NFIB: variants seen among roughly 807,000 people sequenced by gnomAD.
NFIB encodes nuclear factor 1 B-type.
A neutral mutation model predicts 61.5 loss-of-function variants in NFIB; 11 were observed. That is an observed-to-expected ratio of 0.18 (90% CI 0.11 to 0.30). The LOEUF is 0.30. Ranked by LOEUF, NFIB falls within the 10% of genes least tolerant of loss-of-function variation. The pLI is 1.00. For missense variants in NFIB, 471 were observed against 608.9 expected (o/e 0.77, Z 2.38); for synonymous variants, 260 against 216.5 (o/e 1.20, Z -1.76).
At chr9:14,257,614 G>A (rs2056348881) in intron 2 of NFIB, among the ~76,000 whole-genome samples, 3 of 152,020 alleles carry the variant, frequency 2.0e-5, no homozygotes, top group Admixed American at 2.0e-4. Context: ...AAATTAGCCG[G>A]GCATGGTTGC....
At chr9:14,118,364 G>A (rs2038440815) in intron 8 of NFIB, among the ~76,000 whole-genome samples, 1 of 152,150 alleles carries the variant, frequency 6.6e-6, no homozygotes, top group Admixed American at 6.5e-5. Context: ...TAATTTCAAG[G>A]AAATGCTGCC....
At chr9:14,199,353 C>T (rs1011156950) in intron 2 of NFIB, among the ~76,000 whole-genome samples, 10 of 152,178 alleles carry the variant, frequency 6.6e-5, no homozygotes, top group Admixed American at 2.6e-4. Context: ...CCCTGCCAAA[C>T]CAGAAACAGT....
Position 14,170,874 on chromosome 9 carries a change from T to C in NFIB, c.616+8853A>G, listed in dbSNP as rs146055913. 3.1e-4 allele frequency among the ~76,000 whole-genome samples: 47 copies of C among 152,290 alleles called. 1 individual carries two copies. Among genetic ancestry groups the C allele is most frequent in the East Asian group, 2.7e-3 (14 of 5,176 alleles). Reference sequence around the variant, plus strand: ...TTACAAGCTATTTCTGTGCAAGCCCTCTTGGAAGTTTTCTGGAACTAGGTA... The same window carrying C: ...TTACAAGCTATTTCTGTGCAAGCCCCCTTGGAAGTTTTCTGGAACTAGGTA... On this transcript the variant is annotated intron_variant, in intron 3 of 10. Transcript: ENST00000380953.
intron 2 of NFIB, among the ~76,000 whole-genome samples, chr9:14,251,649 CCTT>C (rs2055640341): frequency 6.6e-6 from 1 of 152,220 alleles, no homozygotes; most frequent in Admixed American, 6.5e-5. Flanking sequence ...AGGCTCTGCT[CCTT>C]CTCACCACGG....
chr9:14,261,021 T>G (rs1242110957), intron 2 of NFIB, among the ~76,000 whole-genome samples: 2 of 152,112 alleles, frequency 1.3e-5, no homozygotes, highest in Admixed American at 1.3e-4. Context: ...CAACAGCATT[T>G]AAGACTGAAA....
chr9:14,142,710 G>A (rs1387977140), intron 6 of NFIB, among the ~76,000 whole-genome samples: 1 of 152,052 alleles, frequency 6.6e-6, no homozygotes, highest in Non-Finnish European at 1.5e-5. Context: ...TGGAATAAAA[G>A]AAATGTTCAA....
chr9:14,497,825 C>G, the NFIB span, among the ~76,000 whole-genome samples: 9 of 152,158 alleles, frequency 5.9e-5, no homozygotes, highest in African/African-American at 2.2e-4. Flanking sequence ...GGGTCTTTTT[C>G]TTTTGATTGG....
At chr9:14,321,793 T>A in intron 1 of NFIB, 2 of 1,010,580 alleles carry the variant, frequency 2.0e-6, no homozygotes, top group Non-Finnish European at 2.5e-6. Flanking sequence ...GCCCACAACC[T>A]GTAAAACAAA....
chr9:14,102,031 G>A (rs1416362280), intron 10 of NFIB, among the ~76,000 whole-genome samples: 1 of 152,124 alleles, frequency 6.6e-6, no homozygotes, highest in Non-Finnish European at 1.5e-5. Flanking sequence ...AGAGGAAAGA[G>A]TTAAAATAAG....
intron 2 of NFIB, among the ~76,000 whole-genome samples, chr9:14,281,177 G>A (rs1368911587): frequency 1.3e-5 from 2 of 152,142 alleles, no homozygotes; most frequent in African/African-American, 2.4e-5. Context: ...CTTGACAGTT[G>A]TTAACAGTTC....
intron 2 of NFIB, among the ~76,000 whole-genome samples, chr9:14,228,872 T>C (rs2052768000): frequency 6.6e-6 from 1 of 151,952 alleles, no homozygotes; most frequent in South Asian, 2.1e-4. Context: ...TGACTCAATA[T>C]GAAATGGGGA....
chr9:14,232,329 T>C (rs924828227), intron 2 of NFIB, among the ~76,000 whole-genome samples: 1 of 152,130 alleles, frequency 6.6e-6, no homozygotes, highest in African/African-American at 2.4e-5. Context: ...CCCGTCACAC[T>C]GGGAATGTTC....
the NFIB span, among the ~76,000 whole-genome samples, chr9:14,415,760 T>C: frequency 1.4e-4 from 21 of 152,136 alleles, no homozygotes; most frequent in Admixed American, 5.9e-4. Context: ...TGTCCAACAA[T>C]AGCTCCTTAA....
chr9:14,375,141 A>G (rs886598991), intron 1 of NFIB, among the ~76,000 whole-genome samples: 4 of 152,170 alleles, frequency 2.6e-5, no homozygotes, highest in Non-Finnish European at 4.4e-5. Flanking sequence ...CTTATTCCCA[A>G]CATAAGAGAA....
chr9:14,395,095 G>A (rs968158327), intron 1 of NFIB, among the ~76,000 whole-genome samples: 9 of 152,008 alleles, frequency 5.9e-5, no homozygotes, highest in African/African-American at 9.7e-5. Flanking sequence ...TTACTAGACT[G>A]GTGTCTGGTG....
At chr9:14,191,303 C>T (rs1332394464) in intron 2 of NFIB, among the ~76,000 whole-genome samples, 1 of 151,584 alleles carries the variant, frequency 6.6e-6, no homozygotes, top group Non-Finnish European at 1.5e-5. Context: ...ACTCCAGCCT[C>T]GGTGACAGAG....
intron 1 of NFIB, among the ~76,000 whole-genome samples, chr9:14,376,075 G>A (rs1370670729): frequency 6.6e-6 from 1 of 152,146 alleles, no homozygotes; most frequent in African/African-American, 2.4e-5. Flanking sequence ...AAAAGAGATG[G>A]GTCTTGCTAA....
intron 2 of NFIB, among the ~76,000 whole-genome samples, chr9:14,191,394 A>G (rs2047933735): frequency 6.6e-6 from 1 of 152,156 alleles, no homozygotes; most frequent in South Asian, 2.1e-4. Flanking sequence ...GAATAACAGA[A>G]GCCCACCATG....
intron 6 of NFIB, among the ~76,000 whole-genome samples, chr9:14,135,715 G>A (rs1259803004): frequency 6.6e-6 from 1 of 151,978 alleles, no homozygotes; most frequent in African/African-American, 2.4e-5. Flanking sequence ...AAATAACACT[G>A]GAAAAAATGG....
Sources: gnomAD v4.1 joint callset for allele counts (sites outside exome capture counted in the v4.1 genomes callset) on GRCh38, gnomAD v4.1.1 for gene constraint, MANE v1.5 for transcripts, NCBI Gene and HGNC (gene_info 2026-07-23, HGNC 2026-07-21) for gene names.